The following CERT1 variants were observed in gnomAD, a reference collection of about 807,000 sequenced individuals.
CERT1 encodes the protein ceramide transporter 1.
CERT1 carries 31 observed loss-of-function variants against 87.9 expected under a neutral mutation model. The observed-to-expected ratio is 0.35, with a 90% CI of 0.27 to 0.48. CERT1 has a LOEUF of 0.48. CERT1 is among the 20% of genes least tolerant of loss of function. CERT1 has a pLI of 0.99. For synonymous variants in CERT1, 289 were observed against 250.9 expected, an observed-to-expected ratio of 1.15 and a Z score of -1.44; for missense variants, 487 against 758.0, an observed-to-expected ratio of 0.64 and a Z score of 4.20.
intron 5 of CERT1, among the ~76,000 whole-genome samples, chr5:75,422,612 G>A (rs547481931): frequency 2.8e-4 from 43 of 152,250 alleles, no homozygotes; most frequent in Non-Finnish European, 5.4e-4. Flanking sequence ...GGGAGACCCA[G>A]TATCAAATAA....
At chr5:75,413,172 T>C (rs1000196063) in intron 7 of CERT1, among the ~76,000 whole-genome samples, 4 of 152,174 alleles carry the variant, frequency 2.6e-5, no homozygotes, top group African/African-American at 9.7e-5. Flanking sequence ...GTCAGGATCA[T>C]CAAGATGTCA....
At chr5:75,509,816 T>C (rs1034237769) in intron 1 of CERT1, among the ~76,000 whole-genome samples, 4 of 152,170 alleles carry the variant, frequency 2.6e-5, no homozygotes, top group African/African-American at 9.7e-5. Context: ...TACTACACAA[T>C]GTGTTCAATA....
intron 3 of CERT1, among the ~76,000 whole-genome samples, chr5:75,432,766 T>C (rs1763927070): frequency 6.6e-6 from 1 of 152,276 alleles, no homozygotes; most frequent in Non-Finnish European, 1.5e-5. Context: ...TCATGAAATC[T>C]TCACCAAGGC....
intron 3 of CERT1, among the ~76,000 whole-genome samples, chr5:75,434,099 C>T (rs1763985240): frequency 6.6e-6 from 1 of 151,562 alleles, no homozygotes; most frequent in South Asian, 2.1e-4. Context: ...CCAGCTTTTG[C>T]CTGTTCAGTA....
intron 2 of CERT1, among the ~76,000 whole-genome samples, chr5:75,486,011 G>A (rs969358051): frequency 6.6e-6 from 1 of 152,086 alleles, no homozygotes; most frequent in Non-Finnish European, 1.5e-5. Context: ...TATGAGGCTA[G>A]TATTACCCAG....
rs917529989 is a variant in CERT1, at chr5:75,486,499, T to C, written c.231+19483A>G. On this transcript the variant is annotated intron_variant, in intron 2 of 16. Transcript: ENST00000643780. ...GGACTGAAAGTCCCAGCTAGAGCAATTGAAAAAGAGAAAGAAATGAAGGGT... is the reference window on the plus strand; with the variant it reads ...GGACTGAAAGTCCCAGCTAGAGCAACTGAAAAAGAGAAAGAAATGAAGGGT... Among the ~76,000 whole-genome samples the C allele has an allele frequency of 1.4e-4, 22 of 151,858 alleles. 1 individual carries two copies. Among genetic ancestry groups the C allele is most frequent in the Admixed American group, 3.9e-4 (6 of 15,256 alleles).
intron 2 of CERT1, among the ~76,000 whole-genome samples, chr5:75,501,638 G>C (rs1304800506): frequency 1.3e-5 from 2 of 152,136 alleles, no homozygotes; most frequent in Non-Finnish European, 2.9e-5. Context: ...TTAAACAGAG[G>C]ATAAGAAGGA....
chr5:75,415,301 TA>T, intron 7 of CERT1, among the ~76,000 whole-genome samples: 2 of 152,298 alleles, frequency 1.3e-5, no homozygotes, highest in South Asian at 4.1e-4. Flanking sequence ...GTAAGAAGAC[TA>T]TAAAACACAG....
chr5:75,421,204 C>T (rs374345253), intron 5 of CERT1, among the ~76,000 whole-genome samples: 1 of 152,170 alleles, frequency 6.6e-6, no homozygotes, highest in East Asian at 1.9e-4. Flanking sequence ...CTTTTTACAT[C>T]AGGAGCACCG....
chr5:75,455,032 G>A (rs1764921764), intron 3 of CERT1, among the ~76,000 whole-genome samples: 1 of 152,160 alleles, frequency 6.6e-6, no homozygotes, highest in Non-Finnish European at 1.5e-5. Context: ...ACTGTTTGGT[G>A]GTCTGCTGCC....
chr5:75,419,844 C>A (rs911810620), intron 5 of CERT1, among the ~76,000 whole-genome samples: 5 of 152,200 alleles, frequency 3.3e-5, no homozygotes, highest in Admixed American at 2.6e-4. Context: ...TGAATTATTT[C>A]ACCCTGTAGT....
chr5:75,455,547 A>T (rs1764947797), intron 3 of CERT1, among the ~76,000 whole-genome samples: 1 of 152,238 alleles, frequency 6.6e-6, no homozygotes, highest in South Asian at 2.1e-4. Context: ...TCTAATACAT[A>T]GTAGTGCCAG....
At chr5:75,473,016 C>T (rs988005408) in intron 2 of CERT1, among the ~76,000 whole-genome samples, 1 of 152,164 alleles carries the variant, frequency 6.6e-6, no homozygotes, top group Non-Finnish European at 1.5e-5. Context: ...CCTCAGTGTC[C>T]ATTAACAGAT....
At chr5:75,371,199 ACAT>A (rs1225889921) in intron 17 of CERT1, 1 of 152,172 alleles carries the variant, frequency 6.6e-6, no homozygotes, top group Non-Finnish European at 1.5e-5. Flanking sequence ...TGTTTAAAAA[ACAT>A]CATCAGGATC....
intron 3 of CERT1, among the ~76,000 whole-genome samples, chr5:75,453,111 G>A (rs370331865): frequency 2.6e-5 from 4 of 152,038 alleles, no homozygotes; most frequent in Non-Finnish European, 4.4e-5. Context: ...CAGTCATTTC[G>A]TTAAAACTTT....
At chr5:75,385,788 C>A (rs572302225) in intron 13 of CERT1, 114 bp downstream of exon 13, 1 of 770,568 alleles carries the variant, frequency 1.3e-6, no homozygotes, top group East Asian at 3.3e-5. Flanking sequence ...ATATGATTTT[C>A]CAAATACTTT....
intron 5 of CERT1, among the ~76,000 whole-genome samples, chr5:75,423,189 C>T (rs1394656986): frequency 2.0e-5 from 3 of 152,314 alleles, no homozygotes; most frequent in South Asian, 2.1e-4. Context: ...TTCCAACTTC[C>T]ACTTTTTCCA....
At chr5:75,438,608 C>T (rs1764189199) in intron 3 of CERT1, among the ~76,000 whole-genome samples, 1 of 152,104 alleles carries the variant, frequency 6.6e-6, no homozygotes, top group African/African-American at 2.4e-5. Flanking sequence ...AACCTCTAAT[C>T]ACCAATCCAT....
At chr5:75,425,036 T>G (rs1763550184) in intron 5 of CERT1, among the ~76,000 whole-genome samples, 1 of 152,118 alleles carries the variant, frequency 6.6e-6, no homozygotes, top group Non-Finnish European at 1.5e-5. Context: ...GAGAATTGCT[T>G]GAGGCCAGAA....
Sources: gnomAD v4.1 joint callset for allele counts (sites outside exome capture counted in the v4.1 genomes callset) on GRCh38, gnomAD v4.1.1 for gene constraint, MANE v1.5 for transcripts, NCBI Gene and HGNC (gene_info 2026-07-23, HGNC 2026-07-21) for gene names.